VPS33B: variants seen among roughly 807,000 people sequenced by gnomAD.
VPS33B encodes the protein VPS33B late endosome and lysosome associated.
In VPS33B, 80 loss-of-function variants were observed where a neutral mutation model predicts 95.3. The ratio of observed to expected loss-of-function variants is 0.84; its 90% CI spans 0.70 to 1.01. The LOEUF (loss-of-function observed/expected upper bound fraction) is 1.01. VPS33B is among the 50% of genes least tolerant of loss of function. The probability of loss-of-function intolerance (pLI) is 0.00; values close to 1 mark genes in which losing one functional copy is unlikely to be tolerated. For synonymous variants in VPS33B, 280 were observed against 280.4 expected, an observed-to-expected ratio of 1.00 and a Z score of 0.01; for missense variants, 715 against 773.4, an observed-to-expected ratio of 0.92 and a Z score of 0.90.
Position 91,022,313 on chromosome 15 carries a change from C to T in VPS33B, c.-64G>A. ...TTCGTTCTGAGAAGGCCGGCCGCAG[C>T]CCAGGGAAGCGCAAGGGGGGCTATC... On this transcript the variant is annotated 5_prime_UTR_variant, in exon 1 of 23. Transcript: ENST00000333371. 6.8e-7 allele frequency: 1 copy of T among 1,477,090 alleles called. No homozygotes were observed. Among genetic ancestry groups the T allele is most frequent in the Non-Finnish European group, 9.1e-7 (1 of 1,100,440 alleles). 91.5% of individuals were successfully genotyped at this position (1,477,090 alleles called of 1,614,324 possible). A position where few individuals can be genotyped will look rare whatever the true frequency, so the allele number is the denominator to read the frequency against.
Position 91,006,178 on chromosome 15 carries a change from G to T in VPS33B, c.853-119C>A. On this transcript the variant is annotated intron_variant, in intron 11 of 22. Coordinates refer to ENST00000333371, the MANE Select transcript of VPS33B (RefSeq NM_018668.5). The surrounding 1 kb of genome is among the most constrained non-coding windows in gnomAD (Gnocchi z 5.4). ...CAGAAATACAAAGAAAGCTGAGCTG[G>T]GATCTGTAAGTCCATATCAAATGCC... is the stretch of plus-strand genomic sequence containing the variant. 7.4e-7 allele frequency: 1 copy of T among 1,351,716 alleles called. No homozygotes were observed. 83.7% of individuals were successfully genotyped at this position (1,351,716 alleles called of 1,614,324 possible).
In VPS33B at chr15:91,007,794, T is replaced by C. The variant is rs1206313465; in HGVS notation, c.498+76A>G. The C allele has an allele frequency of 4.3e-6, 6 of 1,383,036 alleles. No homozygotes were observed. The highest frequency in any genetic ancestry group is 2.8e-5 in the African/African-American group (2 of 70,280). 85.7% of individuals were successfully genotyped at this position (1,383,036 alleles called of 1,614,324 possible). ...TTACTTGCGTTGGACAAAGGTTATA[T>C]TGGTATTTCTAGCCCTCTGCATCCC... On this transcript the variant is annotated intron_variant, in intron 7 of 22. Coordinates refer to ENST00000333371, the MANE Select transcript of VPS33B (RefSeq NM_018668.5). This position sits in a 1 kb window ranked among gnomAD's most constrained non-coding sequence, Gnocchi z 5.3.
Position 91,006,757 on chromosome 15 carries a change from G to C in VPS33B, c.701-28C>G, listed in dbSNP as rs767756753. The C allele has an allele frequency of 4.3e-6, 7 of 1,613,940 alleles. No individual in the cohort carries two copies. The South Asian group carries it at 7.7e-5, about 18-fold the overall frequency. Reference sequence around the variant, plus strand: ...GAAACAGAGATCCCTGACCATGAAGGTTCTCCCTGACCCAGCCTTCTACAC... The same window carrying C: ...GAAACAGAGATCCCTGACCATGAAGCTTCTCCCTGACCCAGCCTTCTACAC... On this transcript the variant is annotated intron_variant, in intron 9 of 22. Transcript: ENST00000333371. The surrounding 1 kb of genome is among the most constrained non-coding windows in gnomAD (Gnocchi z 5.4).
rs1238675649 is a variant in VPS33B at position 91,010,145 on chromosome 15, G to A, written c.358-299C>T. Among the ~76,000 whole-genome samples, 2 of 152,236 alleles carry A rather than the reference G, an allele frequency of 1.3e-5. No individual in the cohort carries two copies. The highest frequency in any genetic ancestry group is 4.8e-5 in the African/African-American group (2 of 41,452). On this transcript the variant is annotated intron_variant, in intron 5 of 22. Coordinates refer to ENST00000333371, the MANE Select transcript of VPS33B (RefSeq NM_018668.5). The surrounding 1 kb of genome is among the most constrained non-coding windows in gnomAD (Gnocchi z 5.7). ...CTTCAAAAGGTAAGTTGTACAGACA[G>A]AGATGAGAGCAATGGCATGAAGTGC...
At position 91,006,919 on chromosome 15, in the gene VPS33B, A is replaced by C; in HGVS notation, c.700+31T>G. On this transcript the variant is annotated intron_variant, in intron 9 of 22. Transcript: ENST00000333371. This position sits in a 1 kb window ranked among gnomAD's most constrained non-coding sequence, Gnocchi z 5.4. ...CATATTCCCGTGTCTTCTAGGGCTG[A>C]AAGATGACAGGAACGCTGGGCATAA... 6.2e-7 allele frequency: 1 copy of C among 1,613,100 alleles called. No individual in the cohort carries two copies. The highest frequency in any genetic ancestry group is 1.1e-5 in the South Asian group (1 of 91,036).
Position 90,999,656 on chromosome 15 carries a change from C to CACCTTTCTGCTCTCTCTT in VPS33B, c.1774+3_1774+20dup, listed in dbSNP as rs758522636. On this transcript the variant is annotated intron_variant, in intron 22 of 22. Transcript: ENST00000333371. The surrounding 1 kb of genome is among the most constrained non-coding windows in gnomAD (Gnocchi z 5.1). Reference sequence around the variant, plus strand: ...CCCAGATACAATGCAGGCCAATTCTCACCTTTCTGCTCTCTCTTACCTTTC... The same window carrying CACCTTTCTGCTCTCTCTT: ...CCCAGATACAATGCAGGCCAATTCTCACCTTTCTGCTCTCTCTTACCTTTCTGCTCTCTCTTACCTTTC... The CACCTTTCTGCTCTCTCTT allele has an allele frequency of 1.9e-6, 3 of 1,612,678 alleles. No individual in the cohort carries two copies. Among genetic ancestry groups the CACCTTTCTGCTCTCTCTT allele is most frequent in the African/African-American group, 2.7e-5 (2 of 74,892 alleles).
rs2040363284 is a variant in VPS33B, at chr15:90,999,271, T to C, written c.1775-217A>G. ...CCAGAGTTAAGGCTATGGCAAGTTG[T>C]ATTCTGAGGCCAGGAGAAAAATATT... On this transcript the variant is annotated intron_variant, in intron 22 of 22. Transcript: ENST00000333371. This position sits in a 1 kb window ranked among gnomAD's most constrained non-coding sequence, Gnocchi z 5.1. 9.8e-6 allele frequency: 6 copies of C among 613,398 alleles called. No individual in the cohort carries two copies. The Admixed American group carries it at 1.4e-4, about 15-fold the overall frequency. 38.0% of individuals were successfully genotyped at this position (613,398 alleles called of 1,614,324 possible). A position where few individuals can be genotyped will look rare whatever the true frequency, so the allele number is the denominator to read the frequency against.
At position 91,017,014 on chromosome 15, in the gene VPS33B, A is replaced by G. The variant is rs780119774; in HGVS notation, c.188T>C (p.Val63Ala). 4 of 1,613,982 alleles carry G rather than the reference A, an allele frequency of 2.5e-6. No homozygotes were observed. Among genetic ancestry groups the G allele is most frequent in the East Asian group, 2.2e-5 (1 of 44,872 alleles). Residue 63 changes from valine (V) to alanine (A), a missense_variant, in exon 3 of 23, where the codon GTA becomes GCA. Coordinates refer to ENST00000333371, the MANE Select transcript of VPS33B (RefSeq NM_018668.5). Reference protein sequence around the residue: ...ANVSILKQHEVDKLYKVENKP... With the variant: ...ANVSILKQHEADKLYKVENKP... ...GTTCTCCACCTTGTATAGCTTGTCT[A>G]CTTCGTGTTGCTACAGAGAGAATCC...
rs765761617 is a variant in VPS33B at position 91,016,933 on chromosome 15, G to A, written c.239+30C>T. Reference sequence around the variant, plus strand: ...GCCCCTAGGGACCTCTTCCAGCTTGGAGTAGGGACAGACTCTCCCAGACAC... The same window carrying A: ...GCCCCTAGGGACCTCTTCCAGCTTGAAGTAGGGACAGACTCTCCCAGACAC... On this transcript the variant is annotated intron_variant, in intron 3 of 22. Coordinates refer to ENST00000333371, the MANE Select transcript of VPS33B (RefSeq NM_018668.5). The A allele has an allele frequency of 1.6e-5, 25 of 1,612,206 alleles. No individual in the cohort carries two copies. The Middle Eastern group carries it at 1.8e-3, about 117-fold the overall frequency.
At position 91,017,002 on chromosome 15, in the gene VPS33B, T is replaced by C. The variant is rs1159245762; in HGVS notation, c.200A>G (p.Tyr67Cys). ...GAGGGCTGGCTTGTTCTCCACCTTG[T>C]ATAGCTTGTCTACTTCGTGTTGCTA... ...ILKQHEVDKL[Y>C]KVENKPALSS... Residue 67 changes from tyrosine (Y) to cysteine (C), a missense_variant, in exon 3 of 23, where the codon TAC becomes TGC. By Grantham distance (194) the Tyr-to-Cys change is radical (BLOSUM62 -2). Transcript: ENST00000333371. 3 of 1,614,052 alleles carry C rather than the reference T, an allele frequency of 1.9e-6. No individual in the cohort carries two copies. Among genetic ancestry groups the C allele is most frequent in the South Asian group, 2.2e-5 (2 of 91,086 alleles).
chr15:91,006,024 A>G lies in VPS33B; in HGVS notation c.888T>C (p.Asn296=), dbSNP rs762443300. ...FNEIRNEHFS[N]VFGFLSQKAR... ...CCTTCTGGCTCAAGAAGCCAAAGACATTGGAGAAGTGCTCGTTCCGAATCT... is the reference window on the plus strand; with the variant it reads ...CCTTCTGGCTCAAGAAGCCAAAGACGTTGGAGAAGTGCTCGTTCCGAATCT... The change falls in exon 12 of 23, where the codon AAT becomes AAC. Residue 296 remains asparagine, a synonymous_variant. Coordinates refer to ENST00000333371, the MANE Select transcript of VPS33B (RefSeq NM_018668.5). The surrounding 1 kb of genome is among the most constrained non-coding windows in gnomAD (Gnocchi z 5.4). 7.4e-6 allele frequency: 12 copies of G among 1,614,226 alleles called. No homozygotes were observed. Among genetic ancestry groups the G allele is most frequent in the South Asian group, 1.1e-5 (1 of 91,080 alleles).
At position 91,005,226 on chromosome 15, in the gene VPS33B, T is replaced by G; in HGVS notation, c.1106-107A>C. On this transcript the variant is annotated intron_variant, in intron 14 of 22. Transcript: ENST00000333371. The surrounding 1 kb of genome is among the most constrained non-coding windows in gnomAD (Gnocchi z 6.4). The stretch of plus-strand genomic sequence containing the variant: ...TCTCTTTCTCCATCCTTGGGGTGGG[T>G]TAAGGGACCCCCAGGACTTCTAGCA... 1 of 1,611,706 alleles carries G rather than the reference T, an allele frequency of 6.2e-7. No homozygotes were observed. The highest frequency in any genetic ancestry group is 8.5e-7 in the Non-Finnish European group (1 of 1,179,482).
In VPS33B at chr15:90,999,830, A is replaced by T; in HGVS notation, c.1658-37T>A. The stretch of plus-strand genomic sequence containing the variant: ...AGACCAGATTCAGCCCTTCCCTGAC[A>T]TGCTAGTCCTGAGTGGTGCATCCAG... On this transcript the variant is annotated intron_variant, in intron 21 of 22. Transcript: ENST00000333371. This position sits in a 1 kb window ranked among gnomAD's most constrained non-coding sequence, Gnocchi z 5.1. The T allele has an allele frequency of 6.2e-7, 1 of 1,613,984 alleles. No homozygotes were observed.
Position 91,022,417 on chromosome 15 carries a change from C to A in VPS33B, c.-168G>T. On this transcript the variant is annotated 5_prime_UTR_variant, in exon 1 of 23. Transcript: ENST00000333371. ...GCAGCACTCCAGGAATGAATGGCCA[C>A]CTCCAGGCAAGAGAGCTACTACCTC... The A allele has an allele frequency of 1.6e-6, 1 of 613,646 alleles. No homozygotes were observed. The highest frequency in any genetic ancestry group is 2.1e-5 in the South Asian group (1 of 47,046). The allele number at this position is 613,646 out of a possible 1,614,324, so 38.0% of individuals were successfully genotyped here.
chr15:91,002,243 T>A lies in VPS33B; in HGVS notation c.1273-61A>T. The A allele has an allele frequency of 6.2e-7, 1 of 1,604,676 alleles. No homozygotes were observed. The highest frequency in any genetic ancestry group is 8.5e-7 in the Non-Finnish European group (1 of 1,174,902). On this transcript the variant is annotated intron_variant, in intron 17 of 22. Coordinates refer to ENST00000333371, the MANE Select transcript of VPS33B (RefSeq NM_018668.5). This position sits in a 1 kb window ranked among gnomAD's most constrained non-coding sequence, Gnocchi z 4.7. ...CCAAAGAGCATCTAGTACTGTCAGG[T>A]ACTACAGAGTTGAGCAGAAGGACTA...
chr15:91,020,364 T>C (rs2041068126), intron 1 of VPS33B, among the ~76,000 whole-genome samples: 2 of 152,304 alleles, frequency 1.3e-5, no homozygotes, highest in Admixed American at 6.5e-5. Flanking sequence ...TGAATAGCAG[T>C]GCACATTAAC....
At position 91,013,921 on chromosome 15, in the gene VPS33B, C is replaced by G. The variant is rs1259914936; in HGVS notation, c.290-50G>C. 2 of 1,606,574 alleles carry G rather than the reference C, an allele frequency of 1.2e-6. No homozygotes were observed. Among genetic ancestry groups the G allele is most frequent in the South Asian group, 2.2e-5 (2 of 90,934 alleles). On this transcript the variant is annotated intron_variant, in intron 4 of 22. Coordinates refer to ENST00000333371, the MANE Select transcript of VPS33B (RefSeq NM_018668.5). This position sits in a 1 kb window ranked among gnomAD's most constrained non-coding sequence, Gnocchi z 4.5. ...AGCAAGTCATGGGCCATCTGTTATG[C>G]TAGAAACAGGGAAGCTGCCGGGCAC...
chr15:91,014,908 G>C (rs1055329643), intron 3 of VPS33B, among the ~76,000 whole-genome samples: 1 of 152,030 alleles, frequency 6.6e-6, no homozygotes, highest in Non-Finnish European at 1.5e-5. Context: ...GCAACACAGT[G>C]AGACCTCATC....
rs2040767558 is a variant in VPS33B at position 91,011,120 on chromosome 15, G to A, written c.358-1274C>T. Reference sequence around the variant, plus strand: ...AGAAATGGGGCCAAGAACTGGCATGGAACAGCTCATCTTAGGAGGGAAAAG... The same window carrying A: ...AGAAATGGGGCCAAGAACTGGCATGAAACAGCTCATCTTAGGAGGGAAAAG... On this transcript the variant is annotated intron_variant, in intron 5 of 22. Transcript: ENST00000333371. This position sits in a 1 kb window ranked among gnomAD's most constrained non-coding sequence, Gnocchi z 5.5. Among the ~76,000 whole-genome samples the A allele has an allele frequency of 6.6e-6, 1 of 152,210 alleles. No individual in the cohort carries two copies. Among genetic ancestry groups the A allele is most frequent in the African/African-American group, 2.4e-5 (1 of 41,460 alleles).
Sources: allele counts gnomAD v4.1 joint callset (sites outside exome capture counted in the v4.1 genomes callset), GRCh38; gene constraint gnomAD v4.1.1; non-coding constraint Gnocchi (gnomAD v3.1); transcripts MANE v1.5; gene names NCBI Gene and HGNC (gene_info 2026-07-23, HGNC 2026-07-21).